PLCG2: variants seen among roughly 807,000 people sequenced by gnomAD.
PLCG2 encodes 1-phosphatidylinositol 4,5-bisphosphate phosphodiesterase gamma-2.
A neutral mutation model predicts 175.6 loss-of-function variants in PLCG2; 69 were observed. The ratio of observed to expected loss-of-function variants is 0.39; its 90% confidence interval spans 0.32 to 0.48. The LOEUF (loss-of-function observed/expected upper bound fraction) is 0.48, where lower values mean the gene tolerates loss of function less well. Ranked by LOEUF, PLCG2 falls within the 20% of genes least tolerant of loss-of-function variation. The pLI is 0.91. For missense variants in PLCG2, 1,798 were observed against 1,650.9 expected, an observed-to-expected ratio of 1.09 and a Z score of -1.54; for synonymous variants, 827 against 624.0, an observed-to-expected ratio of 1.33 and a Z score of -4.85.
At chr16:81,925,995 T>G (rs939067762) in intron 22 of PLCG2, among the ~76,000 whole-genome samples, 2 of 152,014 alleles carry the variant, frequency 1.3e-5, no homozygotes, top group East Asian at 1.9e-4. Flanking sequence ...GGGGACAGGA[T>G]GCCAGGGGAC....
intron 19 of PLCG2, among the ~76,000 whole-genome samples, chr16:81,913,147 C>T (rs1909704081): frequency 6.6e-6 from 1 of 152,184 alleles, no homozygotes; most frequent in South Asian, 2.1e-4. Flanking sequence ...GCTGCCCAAC[C>T]ACCTCTAGGC....
intron 22 of PLCG2, among the ~76,000 whole-genome samples, chr16:81,924,355 G>C (rs1280902585): frequency 6.6e-6 from 1 of 152,384 alleles, no homozygotes; most frequent in East Asian, 1.9e-4. Context: ...AATCTGAATA[G>C]CAGCATGCAT....
intron 19 of PLCG2, among the ~76,000 whole-genome samples, chr16:81,913,059 G>A (rs969282079): frequency 2.6e-5 from 4 of 152,204 alleles, no homozygotes; most frequent in Non-Finnish European, 4.4e-5. Flanking sequence ...TAAGTGGTGG[G>A]GCTGGGATTC....
In PLCG2 at chr16:81,938,838, G is replaced by T. The variant is rs771514165; in HGVS notation, c.3236G>T (p.Ser1079Ile). 1 of 1,613,636 alleles carries T rather than the reference G, an allele frequency of 6.2e-7. No individual in the cohort carries two copies. The highest frequency in any genetic ancestry group is 1.1e-5 in the South Asian group (1 of 91,006). The change falls in exon 29 of 33, where the codon AGT (serine) becomes ATT (isoleucine). Residue 1079 changes from serine to isoleucine, a missense_variant. Physicochemically the swap from Ser to Ile is moderately radical, Grantham distance 142 (BLOSUM62 -2). Transcript: ENST00000564138. ...GARHLPKLGR[S>I]IACPFVEVEI... ...CGCCATCTCCCCAAACTTGGACGAA[G>T]TATTGCCTGTCCCTTTGTAGAAGTG...
chr16:81,948,008 C>CTGTT (rs1214331218), intron 31 of PLCG2, among the ~76,000 whole-genome samples: 1 of 152,148 alleles, frequency 6.6e-6, no homozygotes, highest in Non-Finnish European at 1.5e-5. Context: ...CCATTGATGC[C>CTGTT]TGTTTCATCA....
intron 2 of PLCG2, among the ~76,000 whole-genome samples, chr16:81,758,661 G>T (rs1178623258): frequency 2.0e-5 from 3 of 147,010 alleles, no homozygotes; most frequent in Non-Finnish European, 4.5e-5. Flanking sequence ...ACCAATACTT[G>T]TTATTGTCCA....
At chr16:81,803,880 C>G (rs968906159) in intron 2 of PLCG2, among the ~76,000 whole-genome samples, 2 of 152,102 alleles carry the variant, frequency 1.3e-5, no homozygotes, top group African/African-American at 2.4e-5. Context: ...CAGGGTTTCA[C>G]TATGTTGGCC....
chr16:81,840,191 C>T (rs1905744646), intron 2 of PLCG2, among the ~76,000 whole-genome samples: 2 of 152,166 alleles, frequency 1.3e-5, no homozygotes, highest in Non-Finnish European at 2.9e-5. Context: ...CAACGAAGGG[C>T]GATGAGATGG....
chr16:81,941,993 C>G (rs1910960813), intron 30 of PLCG2, among the ~76,000 whole-genome samples: 1 of 152,162 alleles, frequency 6.6e-6, no homozygotes, highest in South Asian at 2.1e-4. Context: ...TTAGATTAGT[C>G]TAATAAGGCT....
chr16:81,938,677 A>AAAT, intron 28 of PLCG2, 124 bp from the exon 29 acceptor site: 1 of 619,010 alleles, frequency 1.6e-6, no homozygotes, highest in Admixed American at 2.9e-5. Flanking sequence ...TTTCCAGTGA[A>AAAT]TCTAGGAAAA....
intron 20 of PLCG2, 102 bp from the exon 21 acceptor site, chr16:81,921,096 C>G (rs1910042132): frequency 4.4e-6 from 3 of 688,524 alleles, no homozygotes; most frequent in Admixed American, 2.6e-5. Flanking sequence ...ACTCCTCTAT[C>G]AAAGGATAGG....
chr16:81,883,199 C>G, intron 8 of PLCG2, 70 bp from the exon 9 acceptor site: 1 of 1,392,182 alleles, frequency 7.2e-7, no homozygotes, highest in East Asian at 2.3e-5. Context: ...GCCCCATTGG[C>G]TGGCATCTCC....
chr16:81,902,657 T>C (rs1355354370), intron 14 of PLCG2, among the ~76,000 whole-genome samples: 1 of 152,094 alleles, frequency 6.6e-6, no homozygotes, highest in Non-Finnish European at 1.5e-5. Flanking sequence ...ATAAAAGCTC[T>C]ACCCTCATTC....
At chr16:81,858,436 GGGAA>G (rs780028865) in intron 4 of PLCG2, 80 bp downstream of exon 4, 41 of 975,748 alleles carry the variant, frequency 4.2e-5, no homozygotes, top group Middle Eastern at 2.1e-4. Context: ...GGCTACAGGG[GGGAA>G]AAAAAAAAAA....
At chr16:81,957,069 A>G (rs564853629) in intron 32 of PLCG2, among the ~76,000 whole-genome samples, 190 bp downstream of exon 32, 19 of 152,000 alleles carry the variant, frequency 1.3e-4, no homozygotes, top group African/African-American at 4.3e-4. Flanking sequence ...GAGGCTGAGG[A>G]GGTTGGATCA....
upstream of PLCG2, among the ~76,000 whole-genome samples, chr16:81,775,406 C>T (rs1567456492): frequency 6.6e-6 from 1 of 152,180 alleles, no homozygotes; most frequent in Non-Finnish European, 1.5e-5. Flanking sequence ...AGACTTGGAA[C>T]TGGAGCCCAG....
chr16:81,952,117 G>C (rs1911390124), intron 31 of PLCG2, among the ~76,000 whole-genome samples: 1 of 151,746 alleles, frequency 6.6e-6, no homozygotes, highest in Non-Finnish European at 1.5e-5. Context: ...TTAAATAAAG[G>C]TACAGAACTT....
At position 81,889,287 on chromosome 16, in the gene PLCG2, GC is replaced by G; in HGVS notation, c.867+15del. Reference sequence around the variant, plus strand: ...TTTGTGGATGAGGTGAGTAGGCTGGGCTTGTTGTCGCTTGGGGGTGACTTTT... The same window carrying G: ...TTTGTGGATGAGGTGAGTAGGCTGGGTTGTTGTCGCTTGGGGGTGACTTTT... On this transcript the variant is annotated intron_variant, in intron 10 of 32. Coordinates refer to ENST00000564138, the MANE Select transcript of PLCG2 (RefSeq NM_002661.5). The G allele has an allele frequency of 7.2e-7, 1 of 1,392,714 alleles. No individual in the cohort carries two copies. Among genetic ancestry groups the G allele is most frequent in the Non-Finnish European group, 1.0e-6 (1 of 988,974 alleles). The allele number at this position is 1,392,714 out of a possible 1,614,324, so 86.3% of individuals were successfully genotyped here.
At chr16:81,775,436 A>G (rs1397670455), upstream of PLCG2, among the ~76,000 whole-genome samples, 3 of 152,200 alleles carry the variant, frequency 2.0e-5, no homozygotes, top group East Asian at 1.9e-4. Flanking sequence ...TTCCAAGTTC[A>G]TGCTTTCACA....
Sources: gnomAD v4.1 joint callset for allele counts (sites outside exome capture counted in the v4.1 genomes callset) on GRCh38, gnomAD v4.1.1 for gene constraint, MANE v1.5 for transcripts, NCBI Gene and HGNC (gene_info 2026-07-23, HGNC 2026-07-21) for gene names.